The following PHF2 variants were observed in gnomAD, a reference collection of about 807,000 sequenced individuals.
PHF2 encodes the protein PHD finger protein 2.
A neutral mutation model predicts 120.5 loss-of-function variants in PHF2; 27 were observed. The observed-to-expected ratio is 0.22, with a 90% CI of 0.17 to 0.31. PHF2 has a LOEUF of 0.31. PHF2 is among the 10% of genes least tolerant of loss of function. The pLI, the probability that PHF2 is intolerant of heterozygous loss-of-function variation, is 1.00. For synonymous variants in PHF2, 568 were observed against 592.5 expected, an observed-to-expected ratio of 0.96 and a Z score of 0.60; for missense variants, 1,024 against 1,434.8, an observed-to-expected ratio of 0.71 and a Z score of 4.63.
At chr9:93,649,840 CCAA>C (rs1036291200) in intron 5 of PHF2, among the ~76,000 whole-genome samples, 27 of 152,224 alleles carry the variant, frequency 1.8e-4, no homozygotes, top group South Asian at 4.2e-4. Flanking sequence ...CTCACAGACA[CCAA>C]CGTGTGGTGC....
intron 1 of PHF2, among the ~76,000 whole-genome samples, chr9:93,603,826 C>G (rs754166507): frequency 6.6e-6 from 1 of 152,210 alleles, no homozygotes; most frequent in Non-Finnish European, 1.5e-5. Flanking sequence ...AGAGGCATTC[C>G]TCTCTCCCAT....
At chr9:93,640,972 A>T (rs1248648975) in intron 3 of PHF2, among the ~76,000 whole-genome samples, 1 of 152,170 alleles carries the variant, frequency 6.6e-6, no homozygotes, top group East Asian at 1.9e-4. Context: ...ATTTCATGTT[A>T]AACAGAGTCT....
intron 13 of PHF2, 137 bp from the exon 14 acceptor site, chr9:93,663,380 C>T (rs1826613340): frequency 1.5e-6 from 1 of 687,262 alleles, no homozygotes; most frequent in African/African-American, 1.8e-5. Context: ...CCGCAGTGGC[C>T]CGGGTGGCCA....
intron 14 of PHF2, among the ~76,000 whole-genome samples, chr9:93,664,632 A>T (rs566580923): frequency 2.0e-5 from 3 of 152,338 alleles, no homozygotes; most frequent in African/African-American, 7.2e-5. Context: ...GCTCAGGGCA[A>T]CACGCGAGGC....
rs1435117874 is a variant in PHF2, at chr9:93,678,015, A to T, written c.*339A>T. The stretch of plus-strand genomic sequence containing the variant: ...GGGCCTCTGCAGCTCTGCTGAGAGC[A>T]TGAGTCCTTCAAGGAAGACAGAGTG... On this transcript the variant is annotated 3_prime_UTR_variant, in exon 22 of 22. Transcript: ENST00000359246. The T allele has an allele frequency of 1.2e-5, 3 of 243,504 alleles. No individual in the cohort carries two copies. The allele number at this position is 243,504 out of a possible 1,614,324, so 15.1% of individuals were successfully genotyped here. A position where few individuals can be genotyped will look rare whatever the true frequency, so the allele number is the denominator to read the frequency against.
rs78925720 is a variant in PHF2, at chr9:93,602,843, G to T, written c.98+25972G>T. On this transcript the variant is annotated intron_variant, in intron 1 of 21. Transcript: ENST00000359246. ...TTGTTGTGATGTTGCCCCTCAAAGG[G>T]TCACTTAGGTGTGGCCTAGCCTCAG... 5.9e-3 allele frequency among the ~76,000 whole-genome samples: 891 copies of T among 152,280 alleles called. 7 individuals are homozygous for T. Among genetic ancestry groups the T allele is most frequent in the Middle Eastern group, 0.031 (9 of 294 alleles).
intron 12 of PHF2, among the ~76,000 whole-genome samples, chr9:93,661,367 A>G (rs954609111): frequency 1.3e-5 from 2 of 152,256 alleles, no homozygotes; most frequent in African/African-American, 4.8e-5. Flanking sequence ...GAATGAATGC[A>G]TGAGCAAATG....
chr9:93,676,481 T>G (rs1320654220), intron 20 of PHF2, 113 bp from the exon 21 acceptor site: 9 of 1,319,286 alleles, frequency 6.8e-6, no homozygotes, highest in Non-Finnish European at 9.2e-6. Context: ...AGGCCCCTGC[T>G]GCCCAGCCCT....
rs1315572393 is a variant in PHF2 at position 93,676,841 on chromosome 9, C to T, written c.3080C>T (p.Thr1027Ile). ...AGCAGCCTGGCGGACCATGAGTACA[C>T]AGCCGCTGGCACCTTCACCGGGGCC... ...HSSSLADHEY[T>I]AAGTFTGAQA... Residue 1027 changes from threonine (T) to isoleucine (I), a missense_variant, in exon 21 of 22, where the codon ACA becomes ATA. Physicochemically the swap from Thr to Ile is moderately conservative, Grantham distance 89. Coordinates refer to ENST00000359246, the MANE Select transcript of PHF2 (RefSeq NM_005392.4). The T allele has an allele frequency of 6.4e-7, 1 of 1,560,412 alleles. No homozygotes were observed. The highest frequency in any genetic ancestry group is 8.7e-7 in the Non-Finnish European group (1 of 1,151,954).
intron 1 of PHF2, among the ~76,000 whole-genome samples, chr9:93,601,777 T>A (rs1825442648): frequency 6.6e-6 from 1 of 152,072 alleles, no homozygotes; most frequent in Non-Finnish European, 1.5e-5. Flanking sequence ...AATCAGTGGC[T>A]CATTAATTTC....
intron 3 of PHF2, among the ~76,000 whole-genome samples, chr9:93,639,404 A>G (rs1826140530): frequency 6.6e-6 from 1 of 152,070 alleles, no homozygotes; most frequent in Non-Finnish European, 1.5e-5. Flanking sequence ...ATTGATTTTT[A>G]TATGTTGATC....
intron 1 of PHF2, among the ~76,000 whole-genome samples, chr9:93,582,068 G>T (rs1386173702): frequency 1.3e-5 from 2 of 152,146 alleles, no homozygotes; most frequent in Non-Finnish European, 2.9e-5. Flanking sequence ...CATCATGTTT[G>T]GTTCCCACGT....
intron 12 of PHF2, among the ~76,000 whole-genome samples, chr9:93,661,264 C>A (rs576375202): frequency 1.3e-5 from 2 of 152,084 alleles, no homozygotes; most frequent in African/African-American, 4.8e-5. Flanking sequence ...AGGAGGAGGT[C>A]GTTATCTGCT....
chr9:93,676,493 C>T lies in PHF2; in HGVS notation c.2833-101C>T, dbSNP rs1826913467. The T allele has an allele frequency of 3.5e-6, 5 of 1,412,078 alleles. No homozygotes were observed. In the East Asian group the frequency reaches 6.9e-5, roughly 20 times the overall value. The allele number at this position is 1,412,078 out of a possible 1,614,324, so 87.5% of individuals were successfully genotyped here. On this transcript the variant is annotated intron_variant, in intron 20 of 21. Coordinates refer to ENST00000359246, the MANE Select transcript of PHF2 (RefSeq NM_005392.4). ...CTCAGGCCCCTGCTGCCCAGCCCTG[C>T]TGTGCTCAAGGGCCCCTGGCAAGGC...
rs1378064879 is a variant in PHF2 at position 93,665,711 on chromosome 9, A to G, written c.1963A>G (p.Ser655Gly). The part of the protein sequence containing the change: ...LGSKALRPPT[S>G]PGVFGALQNF... ...CTCCAAGGCTCTCAGGCCCCCGACGAGCCCTGGTGTGTTCGGGGCCTTGCA... is the reference window on the plus strand; with the variant it reads ...CTCCAAGGCTCTCAGGCCCCCGACGGGCCCTGGTGTGTTCGGGGCCTTGCA... The change falls in exon 15 of 22, where the codon AGC becomes GGC. Residue 655 changes from serine to glycine, a missense_variant. By Grantham distance (56) the Ser-to-Gly change is moderately conservative. Coordinates refer to ENST00000359246, the MANE Select transcript of PHF2 (RefSeq NM_005392.4). 1 of 1,613,916 alleles carries G rather than the reference A, an allele frequency of 6.2e-7. No individual in the cohort carries two copies. Among genetic ancestry groups the G allele is most frequent in the Non-Finnish European group, 8.5e-7 (1 of 1,180,018 alleles).
chr9:93,579,662 A>G (rs1862897494), intron 1 of PHF2, among the ~76,000 whole-genome samples: 1 of 152,260 alleles, frequency 6.6e-6, no homozygotes, highest in Non-Finnish European at 1.5e-5. Flanking sequence ...CACAGTAACT[A>G]TAAAAATAAA....
Position 93,675,724 on chromosome 9 carries a change from G to C in PHF2, c.2767G>C (p.Glu923Gln). Reference protein sequence around the residue: ...SVPRQDRPVREGTRVASIETG... With the variant: ...SVPRQDRPVRQGTRVASIETG... ...GCCAAGACAGGACAGGCCTGTGCGT[G>C]AGGGTACACGGGTGGCTTCCATCGA... Residue 923 changes from glutamate (E) to glutamine (Q), a missense_variant, in exon 20 of 22, where the codon GAG becomes CAG. Glu to Gln is a conservative substitution (Grantham distance 29). Transcript: ENST00000359246. The C allele has an allele frequency of 6.2e-7, 1 of 1,613,378 alleles. No individual in the cohort carries two copies. Among genetic ancestry groups the C allele is most frequent in the Non-Finnish European group, 8.5e-7 (1 of 1,179,944 alleles).
intron 1 of PHF2, among the ~76,000 whole-genome samples, chr9:93,589,615 T>C (rs1282091173): frequency 1.3e-5 from 2 of 152,240 alleles, no homozygotes; most frequent in Non-Finnish European, 2.9e-5. Flanking sequence ...TCTTTTCTTA[T>C]ATTTATTTAT....
chr9:93,581,214 A>G (rs1862924030), intron 1 of PHF2, among the ~76,000 whole-genome samples: 1 of 151,916 alleles, frequency 6.6e-6, no homozygotes, highest in South Asian at 2.1e-4. Flanking sequence ...GTGCCCACCT[A>G]GTCTTAAGCT....
Sources: allele counts gnomAD v4.1 joint callset (sites outside exome capture counted in the v4.1 genomes callset), GRCh38; gene constraint gnomAD v4.1.1; transcripts MANE v1.5; gene names NCBI Gene and HGNC (gene_info 2026-07-23, HGNC 2026-07-21).